The following TSHZ1 variants were observed in gnomAD, a reference collection of about 807,000 sequenced individuals.
The protein encoded by TSHZ1 is teashirt homolog 1.
A neutral mutation model predicts 67.1 loss-of-function variants in TSHZ1; 12 were observed. The ratio of observed to expected loss-of-function variants is 0.18; its 90% CI spans 0.11 to 0.29. TSHZ1 has a LOEUF of 0.29. Ranked by LOEUF, TSHZ1 falls within the 10% of genes least tolerant of loss-of-function variation. The probability of loss-of-function intolerance (pLI) is 1.00; values close to 1 mark genes in which losing one functional copy is unlikely to be tolerated. For synonymous variants in TSHZ1, 632 were observed against 622.4 expected (o/e 1.02, Z -0.23); for missense variants, 1,305 against 1,413.9 (o/e 0.92, Z 1.23).
At chr18:75,247,820 A>AAAT in intron 1 of TSHZ1, among the ~76,000 whole-genome samples, 1 of 152,154 alleles carries the variant, frequency 6.6e-6, no homozygotes, top group Admixed American at 6.5e-5. Flanking sequence ...CCTTATCATT[A>AAAT]AATATACTTG....
intron 1 of TSHZ1, among the ~76,000 whole-genome samples, chr18:75,228,499 C>T (rs1481977329): frequency 3.3e-5 from 5 of 152,172 alleles, no homozygotes; most frequent in East Asian, 1.9e-4. Context: ...CTACAGATAG[C>T]GGCCATTTAT....
rs1268382379 is a variant in TSHZ1, at chr18:75,287,329, A to T, written c.1922A>T (p.Glu641Val). Residue 641 changes from glutamate to valine, a missense_variant, in exon 2 of 2, where the codon GAG becomes GTG. Coordinates refer to ENST00000580243, the MANE Select transcript of TSHZ1 (RefSeq NM_001308210.2). This position sits in a 1 kb window ranked among gnomAD's most constrained non-coding sequence, Gnocchi z 5.0. Reference sequence around the variant, plus strand: ...AAGAGCAACGTGTCTGCCATGGAGGAGCTGGTGGAGAAGGTCACGGGCAAG... The same window carrying T: ...AAGAGCAACGTGTCTGCCATGGAGGTGCTGGTGGAGAAGGTCACGGGCAAG... ...PHKSNVSAME[E>V]LVEKVTGKVN... 1 of 1,614,164 alleles carries T rather than the reference A, an allele frequency of 6.2e-7. No individual in the cohort carries two copies. Among genetic ancestry groups the T allele is most frequent in the Admixed American group, 1.7e-5 (1 of 60,026 alleles).
intron 1 of TSHZ1, among the ~76,000 whole-genome samples, chr18:75,234,149 A>G (rs1320240255): frequency 6.6e-6 from 1 of 152,190 alleles, no homozygotes; most frequent in East Asian, 1.9e-4. Context: ...TTGCACGGCA[A>G]CAGCCACACG....
At chr18:75,273,460 A>G (rs1599052490) in intron 1 of TSHZ1, among the ~76,000 whole-genome samples, 1 of 152,272 alleles carries the variant, frequency 6.6e-6, no homozygotes. Flanking sequence ...ACTGTTGACT[A>G]GAGTGAGTCT....
intron 1 of TSHZ1, among the ~76,000 whole-genome samples, chr18:75,233,993 C>T (rs1242817498): frequency 6.6e-6 from 1 of 151,950 alleles, no homozygotes; most frequent in Non-Finnish European, 1.5e-5. Flanking sequence ...TTGCCGTCTT[C>T]AGAGCTCTTT....
In TSHZ1 at chr18:75,286,774, T is replaced by G. The variant is rs1282026753; in HGVS notation, c.1367T>G (p.Val456Gly). The G allele has an allele frequency of 6.2e-7, 1 of 1,613,520 alleles. No homozygotes were observed. The highest frequency in any genetic ancestry group is 1.3e-5 in the African/African-American group (1 of 74,926). ...GCTTCTAAGAAGGGCAAGCAGTTGGTGCTGGACCCTGTGGTGGAAGAGAAG... is the reference window on the plus strand; with the variant it reads ...GCTTCTAAGAAGGGCAAGCAGTTGGGGCTGGACCCTGTGGTGGAAGAGAAG... ...TSASKKGKQL[V>G]LDPVVEEKIQ... The change falls in exon 2 of 2, where the codon GTG becomes GGG. Residue 456 changes from valine to glycine, a missense_variant. By Grantham distance (109) the Val-to-Gly change is moderately radical. Coordinates refer to ENST00000580243, the MANE Select transcript of TSHZ1 (RefSeq NM_001308210.2). The surrounding 1 kb of genome is among the most constrained non-coding windows in gnomAD (Gnocchi z 5.1).
intron 1 of TSHZ1, among the ~76,000 whole-genome samples, chr18:75,252,923 G>A (rs1422629769): frequency 6.6e-6 from 1 of 151,862 alleles, no homozygotes; most frequent in Non-Finnish European, 1.5e-5. Context: ...ACTTTTTTCT[G>A]TTCTCCTAAA....
intron 1 of TSHZ1, among the ~76,000 whole-genome samples, chr18:75,279,647 T>C (rs2122610237): frequency 6.6e-6 from 1 of 152,334 alleles, no homozygotes; most frequent in African/African-American, 2.4e-5. Flanking sequence ...ACAGCCTCTC[T>C]GGCAGTGCGG....
chr18:75,215,252 T>C (rs2022750991), intron 1 of TSHZ1, among the ~76,000 whole-genome samples: 1 of 152,232 alleles, frequency 6.6e-6, no homozygotes, highest in South Asian at 2.1e-4. Context: ...AGAATAGATC[T>C]GTACCAGAGA....
chr18:75,214,752 C>G (rs945204593), intron 1 of TSHZ1, among the ~76,000 whole-genome samples: 1 of 152,080 alleles, frequency 6.6e-6, no homozygotes, highest in East Asian at 1.9e-4. Flanking sequence ...AGGAAATGGT[C>G]CCTTCGTAAT....
chr18:75,220,498 T>C (rs2022832696), intron 1 of TSHZ1, among the ~76,000 whole-genome samples: 1 of 152,218 alleles, frequency 6.6e-6, no homozygotes, highest in South Asian at 2.1e-4. Flanking sequence ...TATGCTTTGG[T>C]ACTTCCTTCA....
Position 75,224,244 on chromosome 18 carries a change from C to T in TSHZ1, c.40+12328C>T, listed in dbSNP as rs781471402. On this transcript the variant is annotated intron_variant, in intron 1 of 1. Transcript: ENST00000580243. ...GACATAAATTTATGTTTTATGACGT[C>T]TGTCTTCTTTAATTATTACCTTTGA... 6.3e-4 allele frequency among the ~76,000 whole-genome samples: 96 copies of T among 152,112 alleles called. 1 individual carries two copies. The highest frequency in any genetic ancestry group is 8.5e-4 in the Non-Finnish European group (58 of 68,022).
intron 1 of TSHZ1, among the ~76,000 whole-genome samples, chr18:75,271,447 A>T (rs926083935): frequency 2.0e-5 from 3 of 152,176 alleles, no homozygotes; most frequent in Non-Finnish European, 4.4e-5. Context: ...TGAAGAGTGA[A>T]ATCCACTCAC....
chr18:75,287,538 C>G lies in TSHZ1; in HGVS notation c.2131C>G (p.His711Asp). Reference sequence around the variant, plus strand: ...CAAAAAGGAGGGACCGCTGGACGTTCACACCCCAAATGGCACAGAGCCTCT... The same window carrying G: ...CAAAAAGGAGGGACCGCTGGACGTTGACACCCCAAATGGCACAGAGCCTCT... ...KAKKEGPLDV[H>D]TPNGTEPLKA... Residue 711 changes from histidine to aspartate, a missense_variant, in exon 2 of 2, where the codon CAC (histidine) becomes GAC (aspartate). This residue lies in a region of TSHZ1 where 909 missense variants were observed against 961.8 expected (regional missense o/e 0.95). Coordinates refer to ENST00000580243, the MANE Select transcript of TSHZ1 (RefSeq NM_001308210.2). This position sits in a 1 kb window ranked among gnomAD's most constrained non-coding sequence, Gnocchi z 5.0. 2 of 1,614,216 alleles carry G rather than the reference C, an allele frequency of 1.2e-6. No homozygotes were observed. Among genetic ancestry groups the G allele is most frequent in the Non-Finnish European group, 1.7e-6 (2 of 1,180,042 alleles).
At chr18:75,252,295 C>G (rs1251378781) in intron 1 of TSHZ1, among the ~76,000 whole-genome samples, 1 of 152,112 alleles carries the variant, frequency 6.6e-6, no homozygotes, top group Non-Finnish European at 1.5e-5. Flanking sequence ...TGATAAATTC[C>G]CACAAGTAAA....
Position 75,287,570 on chromosome 18 carries a change from A to G in TSHZ1, c.2163A>G (p.Ala721=), listed in dbSNP as rs1349610689. The G allele has an allele frequency of 1.2e-6, 2 of 1,614,096 alleles. No individual in the cohort carries two copies. The highest frequency in any genetic ancestry group is 1.7e-6 in the Non-Finnish European group (2 of 1,180,044). Residue 721 remains alanine, a synonymous_variant, in exon 2 of 2, where the codon GCA becomes GCG. Coordinates refer to ENST00000580243, the MANE Select transcript of TSHZ1 (RefSeq NM_001308210.2). The surrounding 1 kb of genome is among the most constrained non-coding windows in gnomAD (Gnocchi z 5.0). ...HTPNGTEPLK[A]KVTNGCNNLG... is the part of the protein sequence containing the mutation. ...CAAATGGCACAGAGCCTCTCAAAGC[A>G]AAGGTCACCAACGGCTGTAACAACC...
chr18:75,271,151 G>T (rs2023551854), intron 1 of TSHZ1, among the ~76,000 whole-genome samples: 1 of 152,214 alleles, frequency 6.6e-6, no homozygotes, highest in Admixed American at 6.5e-5. Flanking sequence ...CGTGGTTGCA[G>T]CGTGGACTCA....
rs34602326 is a variant in TSHZ1 at position 75,288,359 on chromosome 18, A to C, written c.2952A>C (p.Thr984=). 3.1e-6 allele frequency: 5 copies of C among 1,614,098 alleles called. No individual in the cohort carries two copies. The Admixed American group carries it at 8.3e-5, about 27-fold the overall frequency. The change falls in exon 2 of 2, where the codon ACA becomes ACC. Residue 984 remains threonine (T), a synonymous_variant. Transcript: ENST00000580243. This position sits in a 1 kb window ranked among gnomAD's most constrained non-coding sequence, Gnocchi z 4.9. ...CCTCTCAGTTCAGAACTGCTTCTAC[A>C]TACATAAGTCATTTGGAGACACACT... ...DCASQFRTAS[T]YISHLETHLG...
intron 1 of TSHZ1, among the ~76,000 whole-genome samples, chr18:75,217,232 G>A (rs2022781605): frequency 6.6e-6 from 1 of 152,204 alleles, no homozygotes; most frequent in Admixed American, 6.5e-5. Context: ...AACATCCCAA[G>A]AAATAGATAA....
Sources: gnomAD v4.1 joint callset for allele counts (sites outside exome capture counted in the v4.1 genomes callset) on GRCh38, gnomAD v4.1.1 for gene constraint, gnomAD v4.1.1 regional missense constraint, Gnocchi (gnomAD v3.1) non-coding constraint, MANE v1.5 for transcripts, NCBI Gene and HGNC (gene_info 2026-07-23, HGNC 2026-07-21) for gene names.